Variants in NMNAT2 observed in about 807,000 individuals in gnomAD.
The protein encoded by NMNAT2 is nicotinamide nucleotide adenylyltransferase 2.
NMNAT2 carries 11 observed loss-of-function variants against 41.6 expected under a neutral mutation model. That is an observed-to-expected ratio of 0.26 (90% CI 0.17 to 0.44). The LOEUF is 0.44. Among genes scored for constraint, NMNAT2 ranks in the 20% least tolerant of loss-of-function variants. The pLI is 1.00. For synonymous variants in NMNAT2, 148 were observed against 151.2 expected (o/e 0.98, Z 0.16); for missense variants, 288 against 407.7 (o/e 0.71, Z 2.53).
chr1:183,408,049 T>G (rs1649009263), intron 1 of NMNAT2, among the ~76,000 whole-genome samples: 1 of 152,250 alleles, frequency 6.6e-6, no homozygotes, highest in Non-Finnish European at 1.5e-5. Flanking sequence ...ATTTGCTGCT[T>G]AAATGAGTCT....
At chr1:183,375,563 C>T (rs574916594) in intron 1 of NMNAT2, among the ~76,000 whole-genome samples, 1 of 152,218 alleles carries the variant, frequency 6.6e-6, no homozygotes, top group Non-Finnish European at 1.5e-5. Context: ...TCTAAGAAAA[C>T]TTCTTGGATT....
At chr1:183,307,974 G>A (rs143912160) in intron 1 of NMNAT2, among the ~76,000 whole-genome samples, 3 of 152,328 alleles carry the variant, frequency 2.0e-5, no homozygotes, top group African/African-American at 7.2e-5. Context: ...TAGTGCTTCA[G>A]CTGAGGTGTG....
At chr1:183,282,799 C>T (rs1027963553) in intron 7 of NMNAT2, 2 of 152,070 alleles carry the variant, frequency 1.3e-5, no homozygotes, top group African/African-American at 4.8e-5. Context: ...TTCCTGTGGC[C>T]TTCAGAGAGT....
At chr1:183,415,055 A>C (rs1649216889) in intron 1 of NMNAT2, among the ~76,000 whole-genome samples, 1 of 152,194 alleles carries the variant, frequency 6.6e-6, no homozygotes, top group Non-Finnish European at 1.5e-5. Flanking sequence ...GGCATACTGC[A>C]ACCTCTGCCT....
chr1:183,259,622 T>C (rs614033), intron 10 of NMNAT2, among the ~76,000 whole-genome samples: 146,934 of 152,114 alleles, frequency 0.97, 71,189 homozygotes, highest in East Asian at 1. Context: ...GTGTGTGTGA[T>C]GGGGTCTCAC....
intron 1 of NMNAT2, among the ~76,000 whole-genome samples, chr1:183,376,358 AG>A (rs1279707794): frequency 6.6e-6 from 1 of 152,252 alleles, no homozygotes; most frequent in African/African-American, 2.4e-5. Context: ...GTGAAAAAAC[AG>A]CCAGGCTCTA....
intron 1 of NMNAT2, among the ~76,000 whole-genome samples, chr1:183,386,720 A>C (rs1350655718): frequency 6.6e-6 from 1 of 152,156 alleles, no homozygotes; most frequent in Non-Finnish European, 1.5e-5. Flanking sequence ...TTTTGCACAA[A>C]ATAAAAAATT....
intron 1 of NMNAT2, among the ~76,000 whole-genome samples, chr1:183,333,005 T>A (rs1368005496): frequency 6.6e-6 from 1 of 152,118 alleles, no homozygotes; most frequent in African/African-American, 2.4e-5. Context: ...GGCCATGACT[T>A]TAGTGTTACC....
intron 1 of NMNAT2, among the ~76,000 whole-genome samples, chr1:183,399,234 C>T (rs1648741803): frequency 7.3e-6 from 1 of 136,262 alleles, no homozygotes; most frequent in African/African-American, 2.5e-5. Context: ...GGGGATATCA[C>T]CACCAATCCC....
intron 1 of NMNAT2, among the ~76,000 whole-genome samples, chr1:183,327,145 G>C (rs1225123980): frequency 1.3e-5 from 2 of 152,074 alleles, no homozygotes; most frequent in Non-Finnish European, 2.9e-5. Flanking sequence ...CCGCCTCCCA[G>C]GCTCAAGCAA....
chr1:183,306,863 C>A (rs929260059), intron 1 of NMNAT2, among the ~76,000 whole-genome samples: 8 of 152,272 alleles, frequency 5.3e-5, no homozygotes, highest in African/African-American at 1.9e-4. Flanking sequence ...ATTGCGCTGG[C>A]TGCCAACTCT....
At chr1:183,389,839 A>T (rs1245989733) in intron 1 of NMNAT2, among the ~76,000 whole-genome samples, 2 of 71,390 alleles carry the variant, frequency 2.8e-5, no homozygotes, top group Non-Finnish European at 6.0e-5. Flanking sequence ...AAAGAAAGAA[A>T]GAAAGGAAAA....
At chr1:183,351,037 A>G (rs1465883662) in intron 1 of NMNAT2, among the ~76,000 whole-genome samples, 2 of 152,128 alleles carry the variant, frequency 1.3e-5, no homozygotes, top group Non-Finnish European at 2.9e-5. Flanking sequence ...GTGTCCCATC[A>G]CCGTTATTAG....
chr1:183,277,960 G>A (rs1318700954), intron 8 of NMNAT2, among the ~76,000 whole-genome samples: 1 of 152,196 alleles, frequency 6.6e-6, no homozygotes, highest in East Asian at 1.9e-4. Context: ...AAGAACGAAC[G>A]TATGTGTGAA....
At chr1:183,312,155 T>A (rs75487326) in intron 1 of NMNAT2, among the ~76,000 whole-genome samples, 1 of 152,118 alleles carries the variant, frequency 6.6e-6, no homozygotes, top group South Asian at 2.1e-4. Flanking sequence ...TAATACACCA[T>A]GACAGATTTA....
chr1:183,286,875 C>G, intron 4 of NMNAT2, 87 bp from the exon 5 acceptor site: 3 of 1,413,992 alleles, frequency 2.1e-6, no homozygotes, highest in Non-Finnish European at 1.9e-6. Context: ...GCTTGTCCAT[C>G]ATGGAGAGGC....
At chr1:183,311,920 C>A (rs1662132619) in intron 1 of NMNAT2, among the ~76,000 whole-genome samples, 1 of 152,060 alleles carries the variant, frequency 6.6e-6, no homozygotes, top group African/African-American at 2.4e-5. Context: ...CTCGTGATAG[C>A]AAGTAAGTCT....
intron 1 of NMNAT2, among the ~76,000 whole-genome samples, chr1:183,328,108 C>T (rs1025417090): frequency 6.6e-6 from 1 of 152,262 alleles, no homozygotes; most frequent in Middle Eastern, 3.4e-3. Context: ...GGAACCATCA[C>T]CTGGTCTCGG....
At chr1:183,369,552 T>A (rs771698857) in intron 1 of NMNAT2, among the ~76,000 whole-genome samples, 2 of 152,112 alleles carry the variant, frequency 1.3e-5, no homozygotes, top group Non-Finnish European at 2.9e-5. Flanking sequence ...GCTGGGATTA[T>A]GGTCATGAGC....
Sources: allele counts gnomAD v4.1 joint callset (sites outside exome capture counted in the v4.1 genomes callset), GRCh38; gene constraint gnomAD v4.1.1; transcripts MANE v1.5; gene names NCBI Gene and HGNC (gene_info 2026-07-23, HGNC 2026-07-21).